The following DENND2A variants were observed in gnomAD, a reference collection of about 807,000 sequenced individuals.
DENND2A encodes DENN domain-containing protein 2A.
DENND2A carries 53 observed loss-of-function variants against 105.3 expected under a neutral mutation model. That is an observed-to-expected ratio of 0.50 (90% confidence interval 0.40 to 0.63). The LOEUF (loss-of-function observed/expected upper bound fraction) is 0.63. DENND2A is among the 30% of genes least tolerant of loss of function. The pLI is 0.00. For missense variants in DENND2A, 1,138 were observed against 1,279.6 expected, an observed-to-expected ratio of 0.89 and a Z score of 1.69; for synonymous variants, 522 against 508.4, an observed-to-expected ratio of 1.03 and a Z score of -0.36.
intron 14 of DENND2A, among the ~76,000 whole-genome samples, chr7:140,533,690 A>G (rs10254654): frequency 0.35 from 53,070 of 152,002 alleles, 9,851 homozygotes; most frequent in African/African-American, 0.47. Flanking sequence ...CGGCTGGGGA[A>G]CCAGCTGGCC....
chr7:140,555,484 A>C (rs1185203664), intron 12 of DENND2A, 152 bp downstream of exon 12: 8 of 685,134 alleles, frequency 1.2e-5, no homozygotes, highest in Non-Finnish European at 2.0e-5. Context: ...GTGAGAGAAT[A>C]GAGGGGTGAT....
intron 1 of DENND2A, among the ~76,000 whole-genome samples, chr7:140,612,543 C>T (rs930396525): frequency 1.3e-5 from 2 of 151,466 alleles, no homozygotes; most frequent in Non-Finnish European, 2.9e-5. Flanking sequence ...ACTCTGTTGC[C>T]CGATCTGGAG....
chr7:140,599,308 A>T (rs1563168687), intron 3 of DENND2A, among the ~76,000 whole-genome samples: 1 of 152,162 alleles, frequency 6.6e-6, no homozygotes, highest in Admixed American at 6.6e-5. Flanking sequence ...ACCACACTCC[A>T]GCCTGGGCGA....
At chr7:140,548,014 T>C (rs1274211356) in intron 12 of DENND2A, among the ~76,000 whole-genome samples, 1 of 152,128 alleles carries the variant, frequency 6.6e-6, no homozygotes, top group Non-Finnish European at 1.5e-5. Flanking sequence ...GTTGGGGTGA[T>C]GAAAATGCTC....
chr7:140,561,679 T>TA (rs1159252191), intron 9 of DENND2A, among the ~76,000 whole-genome samples: 2 of 65,750 alleles, frequency 3.0e-5, no homozygotes, highest in African/African-American at 6.0e-5. Flanking sequence ...ATTTTTTTTT[T>TA]TTTTTTTGTA....
At chr7:140,551,594 T>C (rs1289213718) in intron 12 of DENND2A, among the ~76,000 whole-genome samples, 5 of 152,134 alleles carry the variant, frequency 3.3e-5, no homozygotes, top group Non-Finnish European at 7.4e-5. Flanking sequence ...CTCTTCACAA[T>C]ACTTGCCAAG....
intron 1 of DENND2A, among the ~76,000 whole-genome samples, chr7:140,638,313 TCCA>T (rs1801029638): frequency 6.6e-6 from 1 of 152,182 alleles, no homozygotes; most frequent in African/African-American, 2.4e-5. Flanking sequence ...ACTCAGAAGG[TCCA>T]CATTCCTTTT....
At chr7:140,591,974 C>T (rs1159992991) in intron 3 of DENND2A, among the ~76,000 whole-genome samples, 37 of 45,390 alleles carry the variant, frequency 8.2e-4, no homozygotes, top group African/African-American at 3.5e-3. Flanking sequence ...CCTCCCCCTC[C>T]CCTCTCCCTC....
chr7:140,538,542 T>C (rs1394445182), intron 14 of DENND2A, among the ~76,000 whole-genome samples: 1 of 152,226 alleles, frequency 6.6e-6, no homozygotes, highest in East Asian at 1.9e-4. Flanking sequence ...AGTCTCACTC[T>C]GTTGCCCAGG....
At chr7:140,543,787 T>A (rs1223984699) in intron 14 of DENND2A, 1 of 152,086 alleles carries the variant, frequency 6.6e-6, no homozygotes, top group Non-Finnish European at 1.5e-5. Context: ...AGAGACGGAG[T>A]TTCACCATGT....
Position 140,522,060 on chromosome 7 carries a change from G to A in DENND2A, c.2706C>T (p.Ala902=), listed in dbSNP as rs774533553. 5 of 1,614,168 alleles carry A rather than the reference G, an allele frequency of 3.1e-6. No individual in the cohort carries two copies. The Admixed American group carries it at 8.3e-5, about 27-fold the overall frequency. The change falls in exon 18 of 20, where the codon GCC becomes GCT. Residue 902 remains alanine (A), a synonymous_variant. Coordinates refer to ENST00000496613, the MANE Select transcript of DENND2A (RefSeq NM_015689.5). The part of the protein sequence containing the change: ...SSPLNEVVSE[A]FVRFFVEIVG... ...CAATCTCCACGAAGAAGCGGACAAA[G>A]GCTTCAGACACCACCTCGTTCAAGG... is the stretch of plus-strand genomic sequence containing the variant.
intron 4 of DENND2A, 58 bp from the exon 5 acceptor site, chr7:140,585,768 A>G: frequency 6.2e-7 from 1 of 1,611,354 alleles, no homozygotes; most frequent in East Asian, 2.2e-5. Flanking sequence ...TTCCCTTTTC[A>G]AAACACTGAG....
intron 18 of DENND2A, among the ~76,000 whole-genome samples, chr7:140,521,396 C>T (rs1034644176): frequency 3.9e-5 from 6 of 152,136 alleles, no homozygotes; most frequent in African/African-American, 1.4e-4. Context: ...ACCTCAGTCT[C>T]CTGAGGAGCT....
chr7:140,540,623 C>A (rs4289726), intron 14 of DENND2A, among the ~76,000 whole-genome samples: 2 of 152,182 alleles, frequency 1.3e-5, no homozygotes, highest in African/African-American at 4.8e-5. Flanking sequence ...GCTGGCCCAG[C>A]GTCCAACCTG....
intron 19 of DENND2A, 75 bp from the exon 20 acceptor site, chr7:140,518,813 A>G (rs928777689): frequency 1.2e-5 from 18 of 1,520,194 alleles, no homozygotes; most frequent in Non-Finnish European, 1.5e-5. Context: ...CTTTCCACCC[A>G]GAAGTGGTGC....
At position 140,602,045 on chromosome 7, in the gene DENND2A, C is replaced by T. The variant is rs749914300; in HGVS notation, c.353G>A (p.Gly118Glu). ...KERNKGAVNV[G>E]GQDPEPGQDL... is the part of the protein sequence containing the mutation. ...TTGCCCCGGCTCTGGGTCCTGTCCC[C>T]CGACGTTCACTGCTCCTTTATTCCT... Residue 118 changes from glycine to glutamate, a missense_variant, in exon 3 of 20, where the codon GGG becomes GAG. By Grantham distance (98) the Gly-to-Glu change is moderately conservative (BLOSUM62 -2). This residue lies in a region of DENND2A where 511 missense variants were observed against 499.9 expected (regional missense o/e 1.02). Transcript: ENST00000496613. The T allele has an allele frequency of 5.6e-6, 9 of 1,614,104 alleles. No homozygotes were observed. Among genetic ancestry groups the T allele is most frequent in the African/African-American group, 5.3e-5 (4 of 74,946 alleles).
intron 14 of DENND2A, among the ~76,000 whole-genome samples, chr7:140,538,655 C>G (rs569269948): frequency 6.8e-6 from 1 of 146,320 alleles, no homozygotes; most frequent in African/African-American, 2.5e-5. Flanking sequence ...TACAGGCGCC[C>G]GCCACCATGC....
intron 1 of DENND2A, among the ~76,000 whole-genome samples, chr7:140,628,366 C>A (rs535026367): frequency 6.6e-6 from 1 of 152,194 alleles, no homozygotes; most frequent in East Asian, 1.9e-4. Flanking sequence ...CGGAGGTCGC[C>A]CTCAGACCAG....
chr7:140,562,570 A>G (rs1009125301), intron 9 of DENND2A, among the ~76,000 whole-genome samples: 8 of 152,082 alleles, frequency 5.3e-5, no homozygotes, highest in Admixed American at 2.0e-4. Context: ...GCTGAGGCAG[A>G]AGAATGGCGT....
Sources: gnomAD v4.1 joint callset for allele counts (sites outside exome capture counted in the v4.1 genomes callset) on GRCh38, gnomAD v4.1.1 for gene constraint, gnomAD v4.1.1 regional missense constraint, MANE v1.5 for transcripts, NCBI Gene and HGNC (gene_info 2026-07-23, HGNC 2026-07-21) for gene names.